Variants in RBFOX3 observed in about 807,000 individuals in gnomAD.
The protein encoded by RBFOX3 is RNA binding protein fox-1 homolog 3.
A neutral mutation model predicts 48.7 loss-of-function variants in RBFOX3; 17 were observed. That is an observed-to-expected ratio of 0.35 (90% CI 0.24 to 0.52). RBFOX3 has a LOEUF of 0.52. RBFOX3 is among the 20% of genes least tolerant of loss of function. The pLI, the probability that RBFOX3 is intolerant of heterozygous loss-of-function variation, is 0.94. For missense variants in RBFOX3, 382 were observed against 497.5 expected (o/e 0.77, Z 2.21); for synonymous variants, 212 against 209.5 (o/e 1.01, Z -0.10).
chr17:79,297,670 T>C (rs534667204), intron 3 of RBFOX3, among the ~76,000 whole-genome samples: 2 of 152,242 alleles, frequency 1.3e-5, no homozygotes, highest in East Asian at 1.9e-4. Flanking sequence ...GCCCAAGTCA[T>C]GGTTTATTCA....
intron 8 of RBFOX3, among the ~76,000 whole-genome samples, chr17:79,102,278 C>T (rs1050858937): frequency 5.9e-5 from 9 of 152,158 alleles, no homozygotes; most frequent in Non-Finnish European, 7.4e-5. Flanking sequence ...GGGAGGGAGT[C>T]GAGAATAGCA....
At chr17:79,275,822 A>G (rs765818621) in intron 3 of RBFOX3, among the ~76,000 whole-genome samples, 1 of 152,180 alleles carries the variant, frequency 6.6e-6, no homozygotes, top group Non-Finnish European at 1.5e-5. Flanking sequence ...CAGAGGTGAC[A>G]TTTCCTCTAA....
chr17:79,618,679 T>A, the RBFOX3 span, among the ~76,000 whole-genome samples: 1 of 152,010 alleles, frequency 6.6e-6, no homozygotes, highest in East Asian at 1.9e-4. Context: ...GAGACGGGGG[T>A]GTCCACGTGA....
intron 1 of RBFOX3, among the ~76,000 whole-genome samples, chr17:79,609,239 G>A (rs1198890238): frequency 1.3e-5 from 2 of 152,082 alleles, no homozygotes; most frequent in African/African-American, 2.4e-5. Context: ...GCCGGCTTCC[G>A]GCTGAAAGAC....
At chr17:79,618,681 T>G in the RBFOX3 span, among the ~76,000 whole-genome samples, 1 of 152,180 alleles carries the variant, frequency 6.6e-6, no homozygotes, top group East Asian at 1.9e-4. Context: ...GACGGGGGTG[T>G]CCACGTGATG....
intron 3 of RBFOX3, among the ~76,000 whole-genome samples, chr17:79,270,189 G>A (rs913440911): frequency 2.0e-5 from 3 of 151,976 alleles, no homozygotes; most frequent in Admixed American, 1.3e-4. Flanking sequence ...AGCATTCCCT[G>A]CTCCCTTTTT....
At chr17:79,647,799 G>A in the RBFOX3 span, among the ~76,000 whole-genome samples, 4 of 152,050 alleles carry the variant, frequency 2.6e-5, no homozygotes, top group Admixed American at 6.5e-5. Flanking sequence ...CCAATGGCCC[G>A]GGTCACCCTG....
intron 2 of RBFOX3, among the ~76,000 whole-genome samples, chr17:79,366,128 C>A (rs1342276382): frequency 6.6e-6 from 1 of 152,222 alleles, no homozygotes; most frequent in South Asian, 2.1e-4. Flanking sequence ...ACCAGCAAGA[C>A]AGAGGCATCA....
intron 4 of RBFOX3, among the ~76,000 whole-genome samples, chr17:79,144,281 T>G (rs909656806): frequency 2.6e-4 from 40 of 152,318 alleles, no homozygotes; most frequent in African/African-American, 8.7e-4. Flanking sequence ...ATTGTCCCGC[T>G]CTACCCCCGC....
At chr17:79,617,950 C>T in the RBFOX3 span, among the ~76,000 whole-genome samples, 1 of 152,226 alleles carries the variant, frequency 6.6e-6, no homozygotes, top group East Asian at 1.9e-4. Context: ...CACATGTGCA[C>T]CTCCAGGCTT....
At chr17:79,283,509 TCTGCC>T (rs2071098995) in intron 3 of RBFOX3, among the ~76,000 whole-genome samples, 1 of 152,144 alleles carries the variant, frequency 6.6e-6, no homozygotes, top group Non-Finnish European at 1.5e-5. Flanking sequence ...CCTCAAGTGA[TCTGCC>T]CGCCTCGGCC....
intron 1 of RBFOX3, among the ~76,000 whole-genome samples, chr17:79,497,786 G>C (rs1165675988): frequency 6.6e-6 from 1 of 152,218 alleles, no homozygotes; most frequent in Non-Finnish European, 1.5e-5. Context: ...GGCCAAAGCT[G>C]CTCCCCTCCC....
chr17:79,094,970 C>G (rs149060136), intron 13 of RBFOX3, among the ~76,000 whole-genome samples: 4 of 152,302 alleles, frequency 2.6e-5, no homozygotes, highest in Non-Finnish European at 5.9e-5. Flanking sequence ...TTGTGTCCCT[C>G]ACGACTTTCC....
chr17:79,436,638 T>A (rs541722341), intron 2 of RBFOX3, among the ~76,000 whole-genome samples: 1 of 152,212 alleles, frequency 6.6e-6, no homozygotes, highest in Non-Finnish European at 1.5e-5. Flanking sequence ...ACCAGATGAT[T>A]AGGAGGCCAG....
chr17:79,281,667 G>A (rs962794550), intron 3 of RBFOX3, among the ~76,000 whole-genome samples: 3 of 152,248 alleles, frequency 2.0e-5, no homozygotes, highest in African/African-American at 7.2e-5. Context: ...ATTCTGCTCA[G>A]TGATCAAATA....
In RBFOX3 at chr17:79,551,433, C is replaced by G. The variant is rs997598555; in HGVS notation, c.-320+59393G>C. Among the ~76,000 whole-genome samples, 555 of 149,618 alleles carry G rather than the reference C, an allele frequency of 3.7e-3. 5 individuals carry two copies. The highest frequency in any genetic ancestry group is 0.013 in the African/African-American group (527 of 40,592). On this transcript the variant is annotated intron_variant, in intron 1 of 14. Coordinates refer to ENST00000693108, the MANE Select transcript of RBFOX3 (RefSeq NM_001350451.2). ...TGGATGGATGGGTGGATAGATGGGT[C>G]GGTGGATGGATGCCTGGTTGAATAG...
At chr17:79,348,579 T>TG (rs1163071668) in intron 2 of RBFOX3, among the ~76,000 whole-genome samples, 1 of 140,794 alleles carries the variant, frequency 7.1e-6, no homozygotes, top group Non-Finnish European at 1.5e-5. Context: ...TCCTTTTTTT[T>TG]TTTTTTTTTT....
At chr17:79,181,275 C>T (rs1319684494) in intron 4 of RBFOX3, among the ~76,000 whole-genome samples, 2 of 152,248 alleles carry the variant, frequency 1.3e-5, no homozygotes, top group Non-Finnish European at 2.9e-5. Context: ...AAACCCAGAG[C>T]TACGCTTCCT....
chr17:79,160,956 G>A (rs1005861215), intron 4 of RBFOX3, among the ~76,000 whole-genome samples: 2 of 148,720 alleles, frequency 1.3e-5, no homozygotes, highest in East Asian at 2.0e-4. Flanking sequence ...CTCCAGTCTC[G>A]GCAACAAGAG....
Sources: allele counts gnomAD v4.1 joint callset (sites outside exome capture counted in the v4.1 genomes callset), GRCh38; gene constraint gnomAD v4.1.1; transcripts MANE v1.5; gene names NCBI Gene and HGNC (gene_info 2026-07-23, HGNC 2026-07-21).